The following SORBS2 variants were observed in gnomAD, a reference collection of about 807,000 sequenced individuals.
SORBS2 encodes sorbin and SH3 domain containing 2, also known as sorbin and SH3 domain-containing protein 2.
A neutral mutation model predicts 97.7 loss-of-function variants in SORBS2; 46 were observed. That is an observed-to-expected ratio of 0.47 (90% CI 0.37 to 0.60). SORBS2 has a LOEUF of 0.60. Ranked by LOEUF, SORBS2 falls within the 20% of genes least tolerant of loss-of-function variation. The probability of loss-of-function intolerance (pLI) is 0.00; values close to 1 mark genes in which losing one functional copy is unlikely to be tolerated. For synonymous variants in SORBS2, 476 were observed against 473.4 expected (o/e 1.01, Z -0.07); for missense variants, 1,316 against 1,282.3 (o/e 1.03, Z -0.40).
chr4:185,931,940 A>T (rs1386164822), intron 1 of SORBS2, among the ~76,000 whole-genome samples: 1 of 151,824 alleles, frequency 6.6e-6, no homozygotes, highest in East Asian at 1.9e-4. Context: ...GAATTCTTAT[A>T]TGAGATTGCC....
At chr4:185,645,927 G>A (rs1286319956) in intron 4 of SORBS2, 1 of 152,114 alleles carries the variant, frequency 6.6e-6, no homozygotes, top group African/African-American at 2.4e-5. Flanking sequence ...GTGAACCTGC[G>A]CTTCGAGGAG....
chr4:185,634,620 C>T (rs544530836), intron 4 of SORBS2, among the ~76,000 whole-genome samples: 2 of 152,178 alleles, frequency 1.3e-5, no homozygotes, highest in East Asian at 3.9e-4. Flanking sequence ...TCATTTCTGC[C>T]TGTATCATTC....
intron 1 of SORBS2, among the ~76,000 whole-genome samples, chr4:185,798,193 T>C (rs140530098): frequency 1.3e-5 from 2 of 152,306 alleles, no homozygotes; most frequent in Non-Finnish European, 2.9e-5. Flanking sequence ...CCTACACAAT[T>C]AGAATACATA....
At chr4:185,761,876 A>T (rs1222859450) in intron 2 of SORBS2, among the ~76,000 whole-genome samples, 1 of 152,236 alleles carries the variant, frequency 6.6e-6, no homozygotes, top group Non-Finnish European at 1.5e-5. Flanking sequence ...ATTTACCTTC[A>T]TTGGTTGACA....
chr4:185,652,282 G>A (rs575251052), intron 2 of SORBS2, among the ~76,000 whole-genome samples: 3 of 152,188 alleles, frequency 2.0e-5, no homozygotes, highest in Non-Finnish European at 4.4e-5. Context: ...GTGGTCTCCT[G>A]TCTACAGAGC....
chr4:185,771,670 T>A (rs1183078436), intron 2 of SORBS2: 1 of 152,260 alleles, frequency 6.6e-6, no homozygotes, highest in South Asian at 2.1e-4. Context: ...TAAGTGACTA[T>A]GAAATTTCAA....
exon 9 of SORBS2, chr4:185,618,585 T>C (rs1406533179): frequency 4.0e-6 from 6 of 1,515,510 alleles, no homozygotes; most frequent in Non-Finnish European, 5.4e-6. Context: ...TCTTACTTAC[T>C]TAGATGTCTG....
At chr4:185,824,998 T>C (rs2099198977) in intron 1 of SORBS2, among the ~76,000 whole-genome samples, 1 of 152,174 alleles carries the variant, frequency 6.6e-6, no homozygotes, top group Non-Finnish European at 1.5e-5. Flanking sequence ...GAGGAACACC[T>C]GGGATTTCAT....
At chr4:185,602,290 G>GTC (rs1178855246) in intron 12 of SORBS2, among the ~76,000 whole-genome samples, 15 of 151,780 alleles carry the variant, frequency 9.9e-5, no homozygotes, top group African/African-American at 3.7e-4. Context: ...TTACAGGCAT[G>GTC]AGCCACCGTG....
intron 2 of SORBS2, among the ~76,000 whole-genome samples, chr4:185,715,379 T>C (rs2098457340): frequency 1.3e-5 from 2 of 151,988 alleles, no homozygotes; most frequent in Admixed American, 1.3e-4. Flanking sequence ...CCCAAGGAGA[T>C]AGTAAAGTTG....
At chr4:185,672,813 G>T (rs1261322430) in intron 4 of SORBS2, among the ~76,000 whole-genome samples, 2 of 152,158 alleles carry the variant, frequency 1.3e-5, no homozygotes, top group African/African-American at 4.8e-5. Flanking sequence ...GACTCACAGG[G>T]TATAGCTTAC....
chr4:185,828,168 G>A (rs138774860), intron 1 of SORBS2, among the ~76,000 whole-genome samples: 23 of 152,276 alleles, frequency 1.5e-4, no homozygotes, highest in African/African-American at 5.1e-4. Flanking sequence ...GGAAAAATTG[G>A]ACAAAGGGAG....
intron 1 of SORBS2, among the ~76,000 whole-genome samples, chr4:185,814,276 A>T (rs950726251): frequency 1.1e-4 from 16 of 151,760 alleles, no homozygotes; most frequent in African/African-American, 3.9e-4. Flanking sequence ...TCACACCTTT[A>T]TTCCCAGCAC....
chr4:185,861,407 ATG>A (rs1241205787), intron 1 of SORBS2, among the ~76,000 whole-genome samples: 11 of 151,958 alleles, frequency 7.2e-5, no homozygotes, highest in African/African-American at 2.7e-4. Flanking sequence ...TGCAGTCAGA[ATG>A]TGTTTTGAGT....
rs573468162 is a variant in SORBS2, at chr4:185,864,649, G to A, written c.-337-89283C>T. 2.0e-5 allele frequency among the ~76,000 whole-genome samples: 3 copies of A among 152,294 alleles called. No individual in the cohort carries two copies. The South Asian group carries it at 6.2e-4, about 32-fold the overall frequency. On this transcript the variant is annotated intron_variant, in intron 1 of 20. Coordinates refer to the SORBS2 transcript ENST00000284776. ...TGAACGGCCGGGTGCGGTGGCTCAC[G>A]CCTATAATCCCAGCACTTTGGGAGG...
At chr4:185,710,274 CAG>C (rs748010253) in intron 2 of SORBS2, among the ~76,000 whole-genome samples, 5 of 152,336 alleles carry the variant, frequency 3.3e-5, no homozygotes, top group Admixed American at 6.5e-5. Context: ...AAGGGAGAGG[CAG>C]AGTGTCCTTC....
At chr4:185,909,384 TA>T (rs1200777490) in intron 1 of SORBS2, among the ~76,000 whole-genome samples, 1 of 152,134 alleles carries the variant, frequency 6.6e-6, no homozygotes, top group East Asian at 1.9e-4. Flanking sequence ...TCAGAAGGGC[TA>T]GGGGTATGTG....
At chr4:185,877,866 T>G (rs1579292692) in intron 1 of SORBS2, among the ~76,000 whole-genome samples, 2 of 41,040 alleles carry the variant, frequency 4.9e-5, no homozygotes, top group Non-Finnish European at 4.6e-5. Flanking sequence ...TGAGACTCTG[T>G]CAAAAAACAA....
exon 5 of SORBS2, chr4:185,662,171 G>T: frequency 1.2e-6 from 2 of 1,614,058 alleles, no homozygotes; most frequent in South Asian, 1.1e-5. Flanking sequence ...ATGCCGAGGG[G>T]GAAAACGGCC....
Sources: allele counts gnomAD v4.1 joint callset (sites outside exome capture counted in the v4.1 genomes callset), GRCh38; gene constraint gnomAD v4.1.1; transcripts MANE v1.5; gene names NCBI Gene and HGNC (gene_info 2026-07-23, HGNC 2026-07-21).